RAB27A: variants seen among roughly 807,000 people sequenced by gnomAD.
RAB27A encodes RAB27A, member RAS oncogene family.
In RAB27A, 17 loss-of-function variants were observed where a neutral mutation model predicts 20.8. The observed-to-expected ratio is 0.82, with a 90% CI of 0.56 to 1.23. The LOEUF is 1.23. Among genes scored for constraint, RAB27A ranks in the 50% most tolerant of loss-of-function variants. The probability of loss-of-function intolerance (pLI) is 0.00; values close to 1 mark genes in which losing one functional copy is unlikely to be tolerated. For missense variants in RAB27A, 277 were observed against 266.7 expected, an observed-to-expected ratio of 1.04 and a Z score of -0.27; for synonymous variants, 85 against 92.8, an observed-to-expected ratio of 0.92 and a Z score of 0.48.
intron 1 of RAB27A, among the ~76,000 whole-genome samples, chr15:55,271,598 C>A (rs746003431): frequency 6.6e-6 from 1 of 152,234 alleles, no homozygotes; most frequent in Admixed American, 6.5e-5. Flanking sequence ...GAAATGGTCA[C>A]CCCTGTATGC....
At chr15:55,250,607 G>A (rs772392481) in intron 2 of RAB27A, among the ~76,000 whole-genome samples, 3 of 152,152 alleles carry the variant, frequency 2.0e-5, no homozygotes, top group Admixed American at 6.5e-5. Context: ...ACAGTCAATT[G>A]AGCAATAAAG....
At chr15:55,312,111 C>T (rs554423185) in intron 2 of RAB27A, among the ~76,000 whole-genome samples, 5 of 152,338 alleles carry the variant, frequency 3.3e-5, no homozygotes, top group African/African-American at 9.6e-5. Flanking sequence ...GGCTCTTAGC[C>T]GTGCAGGAAC....
At chr15:55,311,590 G>A (rs934544129) in intron 2 of RAB27A, among the ~76,000 whole-genome samples, 1 of 152,136 alleles carries the variant, frequency 6.6e-6, no homozygotes, top group African/African-American at 2.4e-5. Flanking sequence ...GTCTCTTAAT[G>A]AAAAGAAAGT....
chr15:55,286,083 T>C (rs138942224), intron 1 of RAB27A, among the ~76,000 whole-genome samples: 2 of 152,216 alleles, frequency 1.3e-5, no homozygotes, highest in East Asian at 3.9e-4. Context: ...ATGGATGGAA[T>C]AGTGGGAAAG....
At chr15:55,214,050 G>T (rs1466476847) in intron 6 of RAB27A, among the ~76,000 whole-genome samples, 1 of 152,184 alleles carries the variant, frequency 6.6e-6, no homozygotes, top group Non-Finnish European at 1.5e-5. Context: ...TGATTCCTCA[G>T]TAATGCTGTC....
intron 2 of RAB27A, among the ~76,000 whole-genome samples, chr15:55,266,603 G>A (rs1225736964): frequency 1.3e-5 from 2 of 152,144 alleles, no homozygotes; most frequent in African/African-American, 4.8e-5. Context: ...TTGAGAAGAT[G>A]ATAATTATTA....
rs545913714 is a variant in RAB27A, at chr15:55,318,223, G to C, written c.-234+708C>G. Among the ~76,000 whole-genome samples the C allele has an allele frequency of 8.0e-5, 12 of 150,500 alleles. No individual in the cohort carries two copies. In the South Asian group the frequency reaches 1.7e-3, roughly 21 times the overall value. ...CGCCATTCTCCTACCTCAGCCTCCC[G>C]AGAAGCTGGGACTACAGGCGCGTGT... On this transcript the variant is annotated intron_variant, in intron 1 of 5. Coordinates refer to the RAB27A transcript ENST00000563262.
At chr15:55,250,925 G>A (rs1566920690) in intron 2 of RAB27A, among the ~76,000 whole-genome samples, 2 of 152,164 alleles carry the variant, frequency 1.3e-5, no homozygotes, top group Non-Finnish European at 2.9e-5. Flanking sequence ...TAAAACAGAT[G>A]GCAGCAGAGT....
At chr15:55,287,999 C>T (rs1043155566) in intron 1 of RAB27A, among the ~76,000 whole-genome samples, 14 of 152,124 alleles carry the variant, frequency 9.2e-5, no homozygotes, top group African/African-American at 2.9e-4. Flanking sequence ...CAAAGAGGAA[C>T]AGTCTTTTAA....
chr15:55,268,697 A>C (rs1324526858), intron 2 of RAB27A, among the ~76,000 whole-genome samples: 1 of 152,168 alleles, frequency 6.6e-6, no homozygotes, highest in Admixed American at 6.5e-5. Flanking sequence ...CACACTCAAA[A>C]TCCAGCCCAG....
chr15:55,288,896 A>G (rs1898231384), intron 1 of RAB27A: 1 of 152,240 alleles, frequency 6.6e-6, no homozygotes, highest in Non-Finnish European at 1.5e-5. Flanking sequence ...AAACTTAAAT[A>G]GCACACACAA....
chr15:55,222,516 G>A (rs1351685271), intron 6 of RAB27A, among the ~76,000 whole-genome samples: 1 of 151,926 alleles, frequency 6.6e-6, no homozygotes, highest in Non-Finnish European at 1.5e-5. Flanking sequence ...ATGCTCAAAG[G>A]CTTTCAGCAA....
chr15:55,281,286 T>C (rs2141120562), intron 1 of RAB27A, among the ~76,000 whole-genome samples: 1 of 152,342 alleles, frequency 6.6e-6, no homozygotes. Context: ...AGTAGCCTTC[T>C]CCTTTTATAT....
chr15:55,249,346 C>A lies in RAB27A; in HGVS notation c.-22-14390G>T, dbSNP rs575723120. 9.9e-5 allele frequency among the ~76,000 whole-genome samples: 15 copies of A among 152,198 alleles called. No individual in the cohort carries two copies. The South Asian group carries it at 2.7e-3, about 27-fold the overall frequency. On this transcript the variant is annotated intron_variant, in intron 2 of 6. Transcript: ENST00000336787. ...CTGGAGTGCACTGGCGCAATTATGT[C>A]TCACCGCAGCCTTGACCTCCCCAGC...
chr15:55,288,034 T>C (rs924652894), intron 1 of RAB27A, among the ~76,000 whole-genome samples: 4 of 151,506 alleles, frequency 2.6e-5, no homozygotes, highest in Non-Finnish European at 5.9e-5. Context: ...AAGAACTGGA[T>C]ATCCACATGC....
chr15:55,251,666 A>G (rs1308733963), intron 2 of RAB27A, among the ~76,000 whole-genome samples: 1 of 152,210 alleles, frequency 6.6e-6, no homozygotes. Flanking sequence ...AACTGAGAAT[A>G]TATTATTTTG....
chr15:55,226,869 C>CAA (rs574861809), intron 5 of RAB27A, among the ~76,000 whole-genome samples: 17 of 63,312 alleles, frequency 2.7e-4, no homozygotes, highest in Middle Eastern at 0.011. Context: ...AACTCCATCT[C>CAA]AAAAAAAAAA....
chr15:55,215,735 G>A (rs1346812770), intron 6 of RAB27A, among the ~76,000 whole-genome samples: 1 of 150,816 alleles, frequency 6.6e-6, no homozygotes, highest in African/African-American at 2.4e-5. Context: ...GCTGAGACGG[G>A]TGGATCACCT....
chr15:55,250,613 T>C (rs1896853232), intron 2 of RAB27A, among the ~76,000 whole-genome samples: 1 of 152,210 alleles, frequency 6.6e-6, no homozygotes, highest in Non-Finnish European at 1.5e-5. Flanking sequence ...AATTGAGCAA[T>C]AAAGAATGAA....
Sources: allele counts gnomAD v4.1 joint callset (sites outside exome capture counted in the v4.1 genomes callset), GRCh38; gene constraint gnomAD v4.1.1; transcripts MANE v1.5; gene names NCBI Gene and HGNC (gene_info 2026-07-23, HGNC 2026-07-21).